Variants in ZBTB7C observed in about 807,000 individuals in gnomAD.
ZBTB7C encodes the protein zinc finger and BTB domain containing 7C, also known as zinc finger and BTB domain-containing protein 7C.
ZBTB7C carries 8 observed loss-of-function variants against 25.7 expected under a neutral mutation model. The observed-to-expected ratio is 0.31, with a 90% CI of 0.18 to 0.56. The LOEUF is 0.56. Ranked by LOEUF, ZBTB7C falls within the 20% of genes least tolerant of loss-of-function variation. The probability of loss-of-function intolerance (pLI) is 0.91; values close to 1 mark genes in which losing one functional copy is unlikely to be tolerated. For synonymous variants in ZBTB7C, 394 were observed against 369.0 expected, an observed-to-expected ratio of 1.07 and a Z score of -0.78; for missense variants, 824 against 855.2, an observed-to-expected ratio of 0.96 and a Z score of 0.46.
At chr18:48,200,761 C>T (rs992869325) in intron 2 of ZBTB7C, among the ~76,000 whole-genome samples, 2 of 152,240 alleles carry the variant, frequency 1.3e-5, no homozygotes, top group African/African-American at 4.8e-5. Flanking sequence ...AGACTCCACA[C>T]AACAGCATCT....
chr18:48,155,318 C>CT (rs578058729), intron 3 of ZBTB7C, among the ~76,000 whole-genome samples: 1,242 of 78,040 alleles, frequency 0.016, 189 homozygotes, highest in Non-Finnish European at 0.019. Context: ...CTGTAATATT[C>CT]TTTTTTTTTT....
chr18:48,223,752 TGGGA>T (rs1199000385), intron 2 of ZBTB7C, among the ~76,000 whole-genome samples: 1 of 152,224 alleles, frequency 6.6e-6, no homozygotes, highest in East Asian at 1.9e-4. Flanking sequence ...ATGTATGAAA[TGGGA>T]GAACTGCCAG....
intron 2 of ZBTB7C, among the ~76,000 whole-genome samples, chr18:48,272,959 G>A (rs1207065621): frequency 6.6e-6 from 1 of 152,138 alleles, no homozygotes; most frequent in Non-Finnish European, 1.5e-5. Context: ...GCAAATCCAT[G>A]GAAACAAAAG....
chr18:48,040,148 C>G lies in ZBTB7C; in HGVS notation c.960G>C (p.Gly320=). 6.3e-7 allele frequency: 1 copy of G among 1,577,704 alleles called. No homozygotes were observed. Among genetic ancestry groups the G allele is most frequent in the Non-Finnish European group, 8.6e-7 (1 of 1,162,178 alleles). ...TCTCCGCCTTGATGGGTCCCAGAGG[C>G]CCCCCCGGCAGGTCAGGGAACATGT... The part of the protein sequence containing the change: ...FKDMFPDLPG[G]PLGPIKAEND... Residue 320 remains glycine, a synonymous_variant, in exon 4 of 5, where the codon GGG becomes GGC. Coordinates refer to ENST00000590800, the MANE Select transcript of ZBTB7C (RefSeq NM_001318841.2).
At chr18:48,398,059 C>G (rs2048069221) in intron 1 of ZBTB7C, among the ~76,000 whole-genome samples, 1 of 152,226 alleles carries the variant, frequency 6.6e-6, no homozygotes. Flanking sequence ...ACACTCTGAC[C>G]CTGCAGTCTG....
At chr18:48,156,176 G>A (rs2040836547) in intron 3 of ZBTB7C, among the ~76,000 whole-genome samples, 1 of 152,168 alleles carries the variant, frequency 6.6e-6, no homozygotes, top group Non-Finnish European at 1.5e-5. Flanking sequence ...AGAAAAATGG[G>A]GCAAAGGAAA....
intron 3 of ZBTB7C, among the ~76,000 whole-genome samples, chr18:48,103,722 G>A (rs2038930650): frequency 6.6e-6 from 1 of 152,098 alleles, no homozygotes; most frequent in African/African-American, 2.4e-5. Flanking sequence ...ACAAAATATG[G>A]TAGATCCATA....
chr18:48,317,408 C>T (rs558206992), intron 2 of ZBTB7C, among the ~76,000 whole-genome samples: 1 of 152,322 alleles, frequency 6.6e-6, no homozygotes, highest in South Asian at 2.1e-4. Flanking sequence ...CAGCCCTGAC[C>T]TCAGTCTCTG....
chr18:48,086,243 T>C (rs1598851189), intron 3 of ZBTB7C, among the ~76,000 whole-genome samples: 1 of 152,302 alleles, frequency 6.6e-6, no homozygotes, highest in East Asian at 1.9e-4. Context: ...AGAGTATGTA[T>C]TATCTCATTT....
At chr18:48,290,794 G>T (rs935854100) in intron 2 of ZBTB7C, among the ~76,000 whole-genome samples, 3 of 152,180 alleles carry the variant, frequency 2.0e-5, no homozygotes, top group Non-Finnish European at 2.9e-5. Context: ...GACAGCCCGC[G>T]GAAAGCCACC....
chr18:48,073,685 C>T (rs1033550921), intron 3 of ZBTB7C, among the ~76,000 whole-genome samples: 1 of 149,910 alleles, frequency 6.7e-6, no homozygotes, highest in African/African-American at 2.4e-5. Context: ...GACCTTATTT[C>T]CAGGGCTGAG....
At chr18:48,288,518 T>C (rs1182078153) in intron 2 of ZBTB7C, among the ~76,000 whole-genome samples, 1 of 148,232 alleles carries the variant, frequency 6.7e-6, no homozygotes, top group Non-Finnish European at 1.5e-5. Flanking sequence ...AAGCTGGGCA[T>C]GGTTGTGGAC....
chr18:48,374,005 T>C (rs945417470), intron 1 of ZBTB7C, among the ~76,000 whole-genome samples: 1 of 150,786 alleles, frequency 6.6e-6, no homozygotes, highest in Admixed American at 6.6e-5. Flanking sequence ...CCACTCTGTC[T>C]CTCTTGCTCC....
intron 1 of ZBTB7C, among the ~76,000 whole-genome samples, chr18:48,351,399 G>A (rs549595244): frequency 7.9e-5 from 12 of 152,220 alleles, no homozygotes; most frequent in Non-Finnish European, 1.0e-4. Flanking sequence ...TAAAAGACCC[G>A]TGGCTTTGGG....
intron 3 of ZBTB7C, among the ~76,000 whole-genome samples, chr18:48,126,569 T>A (rs1293957678): frequency 6.6e-6 from 1 of 152,224 alleles, no homozygotes; most frequent in Non-Finnish European, 1.5e-5. Flanking sequence ...CTCATTGGCT[T>A]CTTGTTACAT....
At chr18:48,272,742 G>A (rs2044530603) in intron 2 of ZBTB7C, among the ~76,000 whole-genome samples, 1 of 151,992 alleles carries the variant, frequency 6.6e-6, no homozygotes, top group South Asian at 2.1e-4. Flanking sequence ...ATCAAAAAGT[G>A]GAAACATCCA....
chr18:48,200,700 A>G (rs1427915886), intron 2 of ZBTB7C, among the ~76,000 whole-genome samples: 1 of 152,220 alleles, frequency 6.6e-6, no homozygotes, highest in East Asian at 1.9e-4. Context: ...CCTCCACAGA[A>G]GCACGGTGCA....
rs1306484490 is a variant in ZBTB7C at position 48,048,218 on chromosome 18, G to T, written c.-16-7095C>A. On this transcript the variant is annotated intron_variant, in intron 3 of 4. Coordinates refer to ENST00000590800, the MANE Select transcript of ZBTB7C (RefSeq NM_001318841.2). ...ACCGATCCCTGTGGGCTGGGGGTCAGGGAAGGCTTCTAGGAACAGGGGCCT... is the reference window on the plus strand; with the variant it reads ...ACCGATCCCTGTGGGCTGGGGGTCATGGAAGGCTTCTAGGAACAGGGGCCT... Among the ~76,000 whole-genome samples the T allele has an allele frequency of 3.3e-5, 5 of 152,214 alleles. 1 individual carries two copies. The highest frequency in any genetic ancestry group is 1.3e-4 in the Admixed American group (2 of 15,292).
chr18:48,112,260 C>CTTTTT, intron 3 of ZBTB7C, among the ~76,000 whole-genome samples: 1 of 120,054 alleles, frequency 8.3e-6, no homozygotes, highest in Non-Finnish European at 1.8e-5. Flanking sequence ...TAATTTTTTT[C>CTTTTT]TTTTTTTTTT....
Sources: gnomAD v4.1 joint callset for allele counts (sites outside exome capture counted in the v4.1 genomes callset) on GRCh38, gnomAD v4.1.1 for gene constraint, MANE v1.5 for transcripts, NCBI Gene and HGNC (gene_info 2026-07-23, HGNC 2026-07-21) for gene names.